The following LRRTM4 variants were observed in gnomAD, a reference collection of about 807,000 sequenced individuals.
LRRTM4 encodes leucine rich repeat transmembrane neuronal 4.
Under a neutral mutation model 47.6 loss-of-function variants are expected in LRRTM4, and 25 were observed. The observed-to-expected ratio is 0.53, with a 90% confidence interval of 0.38 to 0.73. LRRTM4 has a LOEUF of 0.73. Ranked by LOEUF, LRRTM4 falls within the 30% of genes least tolerant of loss-of-function variation. LRRTM4 has a pLI of 0.00. For synonymous variants in LRRTM4, 311 were observed against 269.5 expected, an observed-to-expected ratio of 1.15 and a Z score of -1.51; for missense variants, 638 against 713.4, an observed-to-expected ratio of 0.89 and a Z score of 1.20.
intron 3 of LRRTM4, among the ~76,000 whole-genome samples, chr2:77,463,266 A>G (rs191938896): frequency 1.8e-4 from 28 of 152,184 alleles, no homozygotes; most frequent in Admixed American, 6.6e-4. Flanking sequence ...CAATATTATA[A>G]TCTTATGGGA....
chr2:77,140,802 G>C (rs1165118531), intron 3 of LRRTM4, among the ~76,000 whole-genome samples: 2 of 152,194 alleles, frequency 1.3e-5, no homozygotes, highest in Admixed American at 6.6e-5. Flanking sequence ...CCATCAAAAA[G>C]TGGGTGAAGG....
intron 3 of LRRTM4, among the ~76,000 whole-genome samples, chr2:76,791,362 T>C (rs1045250279): frequency 2.0e-5 from 3 of 152,080 alleles, no homozygotes; most frequent in Non-Finnish European, 4.4e-5. Context: ...ATTTGTAGAT[T>C]TGAAACTCAG....
intron 3 of LRRTM4, among the ~76,000 whole-genome samples, chr2:77,283,698 T>G (rs1676568127): frequency 6.6e-6 from 1 of 152,080 alleles, no homozygotes; most frequent in African/African-American, 2.4e-5. Flanking sequence ...GAGGCCATTA[T>G]CCTAAGCAAA....
At chr2:77,396,413 A>G (rs1673706520) in intron 3 of LRRTM4, among the ~76,000 whole-genome samples, 1 of 151,868 alleles carries the variant, frequency 6.6e-6, no homozygotes, top group African/African-American at 2.4e-5. Flanking sequence ...ACAGGTAGGA[A>G]GTGTGTTTAA....
intron 3 of LRRTM4, among the ~76,000 whole-genome samples, chr2:77,212,515 A>G (rs1194944955): frequency 6.7e-6 from 1 of 149,750 alleles, no homozygotes; most frequent in Non-Finnish European, 1.5e-5. Flanking sequence ...AATCTCGTGT[A>G]TATATATATG....
chr2:77,034,199 A>C (rs565790173), intron 3 of LRRTM4, among the ~76,000 whole-genome samples: 10 of 151,876 alleles, frequency 6.6e-5, no homozygotes, highest in African/African-American at 9.7e-5. Context: ...TAATTTTAAT[A>C]AACTACAGAA....
chr2:77,362,158 A>G (rs1385562880), intron 3 of LRRTM4, among the ~76,000 whole-genome samples: 7 of 136,538 alleles, frequency 5.1e-5, no homozygotes, highest in African/African-American at 2.4e-4. Flanking sequence ...AGAAAGAAAG[A>G]AAGAAAGAAA....
intron 3 of LRRTM4, among the ~76,000 whole-genome samples, chr2:76,757,940 A>G (rs1339590577): frequency 6.6e-6 from 1 of 152,156 alleles, no homozygotes; most frequent in Non-Finnish European, 1.5e-5. Context: ...AGAAATTTGA[A>G]AAAGGAAATG....
intron 3 of LRRTM4, among the ~76,000 whole-genome samples, chr2:76,907,831 T>C (rs1673903144): frequency 7.3e-6 from 1 of 137,756 alleles, no homozygotes; most frequent in Non-Finnish European, 1.5e-5. Flanking sequence ...TAACAGGAGC[T>C]GAAATTGTGG....
intron 3 of LRRTM4, among the ~76,000 whole-genome samples, chr2:77,033,370 A>G (rs538838960): frequency 1.3e-5 from 2 of 152,136 alleles, no homozygotes; most frequent in African/African-American, 4.8e-5. Context: ...CAGCAATGAA[A>G]GACATTTTCC....
intron 3 of LRRTM4, among the ~76,000 whole-genome samples, chr2:77,065,493 A>T (rs1274199396): frequency 1.3e-5 from 2 of 152,174 alleles, no homozygotes; most frequent in African/African-American, 4.8e-5. Context: ...TGCTAAATAC[A>T]TGTTTGTTCA....
chr2:77,078,730 T>C (rs951924740), intron 3 of LRRTM4, among the ~76,000 whole-genome samples: 1 of 152,218 alleles, frequency 6.6e-6, no homozygotes, highest in Non-Finnish European at 1.5e-5. Context: ...AGAAAATATG[T>C]ACAAACTTCT....
intron 3 of LRRTM4, among the ~76,000 whole-genome samples, chr2:77,172,866 C>T (rs978154732): frequency 2.0e-5 from 3 of 152,116 alleles, no homozygotes; most frequent in African/African-American, 7.2e-5. Flanking sequence ...ATATCCGTGG[C>T]TTAACATAAA....
intron 3 of LRRTM4, among the ~76,000 whole-genome samples, chr2:77,415,797 G>T (rs1387337536): frequency 6.6e-6 from 1 of 152,022 alleles, no homozygotes; most frequent in Non-Finnish European, 1.5e-5. Flanking sequence ...TTAATTCCTT[G>T]AGAGCAGAGG....
At chr2:76,798,383 G>A (rs10165502) in intron 3 of LRRTM4, among the ~76,000 whole-genome samples, 16,316 of 150,610 alleles carry the variant, frequency 0.11, 981 homozygotes, top group Non-Finnish European at 0.14. Context: ...GCACAAATAA[G>A]GATGTTCTTT....
At chr2:77,422,991 T>G (rs1373862874) in intron 3 of LRRTM4, among the ~76,000 whole-genome samples, 2 of 152,074 alleles carry the variant, frequency 1.3e-5, no homozygotes, top group Admixed American at 1.3e-4. Context: ...ATAACATATA[T>G]CAACTTGACA....
At chr2:76,758,058 T>C (rs1478441947) in intron 3 of LRRTM4, among the ~76,000 whole-genome samples, 1 of 152,178 alleles carries the variant, frequency 6.6e-6, no homozygotes, top group Admixed American at 6.6e-5. Context: ...TCAGTTTCCA[T>C]ATGAATTTGT....
chr2:77,459,075 T>C (rs1676675474), intron 3 of LRRTM4, among the ~76,000 whole-genome samples: 1 of 152,128 alleles, frequency 6.6e-6, no homozygotes, highest in African/African-American at 2.4e-5. Context: ...CTGTTATTTA[T>C]ATTTATTCAA....
intron 3 of LRRTM4, among the ~76,000 whole-genome samples, chr2:77,045,395 A>C (rs1679200814): frequency 6.6e-6 from 1 of 151,768 alleles, no homozygotes; most frequent in Non-Finnish European, 1.5e-5. Context: ...GTATCATGTC[A>C]TTTCCCCTGC....
Sources: gnomAD v4.1 joint callset for allele counts (sites outside exome capture counted in the v4.1 genomes callset) on GRCh38, gnomAD v4.1.1 for gene constraint, MANE v1.5 for transcripts, NCBI Gene and HGNC (gene_info 2026-07-23, HGNC 2026-07-21) for gene names.